RBFOX1: variants seen among roughly 807,000 people sequenced by gnomAD.
RBFOX1 encodes RNA binding fox-1 homolog 1.
In RBFOX1, 8 loss-of-function variants were observed where a neutral mutation model predicts 57.7. That is an observed-to-expected ratio of 0.14 (90% CI 0.08 to 0.25). The LOEUF is 0.25. Ranked by LOEUF, RBFOX1 falls within the 10% of genes least tolerant of loss-of-function variation. The pLI is 1.00. For synonymous variants in RBFOX1, 326 were observed against 222.4 expected (o/e 1.47, Z -4.15); for missense variants, 611 against 548.5 (o/e 1.11, Z -1.14).
intron 4 of RBFOX1, among the ~76,000 whole-genome samples, chr16:5,917,900 G>A (rs545453478): frequency 7.9e-5 from 12 of 151,984 alleles, no homozygotes; most frequent in South Asian, 6.2e-4. Flanking sequence ...TTCTCTTCCC[G>A]CTGCACTGAC....
At chr16:7,456,371 C>T (rs34339681) in intron 4 of RBFOX1, among the ~76,000 whole-genome samples, 3,559 of 152,308 alleles carry the variant, frequency 0.023, 47 homozygotes, top group Non-Finnish European at 0.038. Context: ...CACCCAAGTA[C>T]ATCTGCTATG....
intron 4 of RBFOX1, among the ~76,000 whole-genome samples, chr16:7,351,834 C>G (rs1291401489): frequency 1.3e-5 from 2 of 152,172 alleles, no homozygotes; most frequent in East Asian, 3.9e-4. Context: ...TTCTGCCTCT[C>G]AATCTTCAGG....
chr16:6,337,769 A>G (rs1232152222), intron 2 of RBFOX1, among the ~76,000 whole-genome samples: 1 of 152,262 alleles, frequency 6.6e-6, no homozygotes, highest in African/African-American at 2.4e-5. Context: ...ACAGTGGCAC[A>G]GAAAATCATA....
At chr16:6,227,404 GTTT>G (rs1452434605) in intron 1 of RBFOX1, among the ~76,000 whole-genome samples, 1 of 152,162 alleles carries the variant, frequency 6.6e-6, no homozygotes, top group Non-Finnish European at 1.5e-5. Context: ...AATGTTCTGT[GTTT>G]GTTAGGTGTG....
At chr16:6,679,488 T>C (rs1324357231) in intron 3 of RBFOX1, among the ~76,000 whole-genome samples, 1 of 152,138 alleles carries the variant, frequency 6.6e-6, no homozygotes, top group African/African-American at 2.4e-5. Flanking sequence ...TTTCCACAAA[T>C]GATGCTTCAT....
At chr16:5,416,212 A>G (rs2067156477) in intron 1 of RBFOX1, among the ~76,000 whole-genome samples, 1 of 152,194 alleles carries the variant, frequency 6.6e-6, no homozygotes, top group Admixed American at 6.5e-5. Context: ...CATTTTACAG[A>G]TGAGGACATT....
At position 7,104,860 on chromosome 16, in the gene RBFOX1, C is replaced by T. The variant is rs1445137817; in HGVS notation, c.27+52762C>T. On this transcript the variant is annotated intron_variant, in intron 4 of 15. Transcript: ENST00000550418. ...CTTCAAGGGAGAACTCACTGGTGTACAAAACAGAAAAGTCCAAGAGATGGA... is the reference window on the plus strand; with the variant it reads ...CTTCAAGGGAGAACTCACTGGTGTATAAAACAGAAAAGTCCAAGAGATGGA... Among the ~76,000 whole-genome samples the T allele has an allele frequency of 2.0e-5, 3 of 152,108 alleles. No homozygotes were observed. The South Asian group carries it at 6.2e-4, about 32-fold the overall frequency.
At chr16:6,476,181 A>C (rs2095269023) in intron 2 of RBFOX1, among the ~76,000 whole-genome samples, 1 of 152,208 alleles carries the variant, frequency 6.6e-6, no homozygotes, top group Admixed American at 6.5e-5. Context: ...GAAATACAGG[A>C]AATGACAAAG....
chr16:7,294,676 G>A (rs536006658), intron 4 of RBFOX1, among the ~76,000 whole-genome samples: 6 of 152,054 alleles, frequency 3.9e-5, no homozygotes, highest in Non-Finnish European at 7.4e-5. Context: ...TGGGGTCAGC[G>A]ATATATTCCT....
At chr16:6,683,225 A>C (rs1241837542) in intron 3 of RBFOX1, among the ~76,000 whole-genome samples, 2 of 152,226 alleles carry the variant, frequency 1.3e-5, no homozygotes, top group African/African-American at 4.8e-5. Context: ...AACTGTTCTA[A>C]ATTTAAAAAG....
chr16:5,308,209 C>T (rs946486770), intron 1 of RBFOX1, among the ~76,000 whole-genome samples: 6 of 152,106 alleles, frequency 3.9e-5, no homozygotes, highest in Non-Finnish European at 8.8e-5. Flanking sequence ...GGCATGGTGG[C>T]AGGCGCCTGT....
chr16:7,308,289 C>G (rs535728741), intron 4 of RBFOX1, among the ~76,000 whole-genome samples: 1 of 104,182 alleles, frequency 9.6e-6, no homozygotes, highest in South Asian at 4.1e-4. Flanking sequence ...CAGATTCCAC[C>G]CAGAGCTGTT....
At chr16:5,474,254 A>G (rs146753059) in intron 2 of RBFOX1, among the ~76,000 whole-genome samples, 180 of 152,364 alleles carry the variant, frequency 1.2e-3, no homozygotes, top group African/African-American at 4.1e-3. Context: ...CAGGACTTTT[A>G]AAAATTAATT....
chr16:7,688,783 C>T (rs928939931), intron 14 of RBFOX1, among the ~76,000 whole-genome samples: 1 of 152,066 alleles, frequency 6.6e-6, no homozygotes. Context: ...ATGGCATATG[C>T]CATTTCATAA....
chr16:6,970,764 G>T (rs113783399), intron 3 of RBFOX1, among the ~76,000 whole-genome samples: 23 of 152,278 alleles, frequency 1.5e-4, no homozygotes, highest in Non-Finnish European at 2.9e-4. Context: ...TCAGACCATA[G>T]CCCCCTTTAA....
At chr16:7,177,157 A>C (rs959620566) in intron 4 of RBFOX1, among the ~76,000 whole-genome samples, 1 of 152,292 alleles carries the variant, frequency 6.6e-6, no homozygotes, top group South Asian at 2.1e-4. Flanking sequence ...ACTGGCATGC[A>C]TTTTTGTCCA....
intron 2 of RBFOX1, among the ~76,000 whole-genome samples, chr16:6,569,603 A>G (rs1310004876): frequency 6.6e-6 from 1 of 152,180 alleles, no homozygotes; most frequent in East Asian, 1.9e-4. Flanking sequence ...ACGTGGAGAA[A>G]TCTACTTTTC....
At chr16:7,623,238 C>T (rs2059578776) in intron 10 of RBFOX1, among the ~76,000 whole-genome samples, 1 of 152,164 alleles carries the variant, frequency 6.6e-6, no homozygotes, top group Non-Finnish European at 1.5e-5. Flanking sequence ...TTGTGGAAGG[C>T]AGTTTTTCCA....
chr16:5,916,322 A>G (rs147693670), intron 4 of RBFOX1, among the ~76,000 whole-genome samples: 1 of 152,052 alleles, frequency 6.6e-6, no homozygotes, highest in East Asian at 1.9e-4. Context: ...TTTGTCTTCT[A>G]TTTGTTTTTG....
Sources: allele counts gnomAD v4.1 joint callset (sites outside exome capture counted in the v4.1 genomes callset), GRCh38; gene constraint gnomAD v4.1.1; transcripts MANE v1.5; gene names NCBI Gene and HGNC (gene_info 2026-07-23, HGNC 2026-07-21).